The following CACNA1E variants were observed in gnomAD, a reference collection of about 807,000 sequenced individuals.
The protein encoded by CACNA1E is voltage-dependent R-type calcium channel subunit alpha-1E.
CACNA1E carries 40 observed loss-of-function variants against 259.2 expected under a neutral mutation model. The ratio of observed to expected loss-of-function variants is 0.15; its 90% CI spans 0.12 to 0.20. The LOEUF is 0.20. Among genes scored for constraint, CACNA1E ranks in the 10% least tolerant of loss-of-function variants. CACNA1E has a pLI of 1.00. For missense variants in CACNA1E, 1,874 were observed against 3,040.1 expected, an observed-to-expected ratio of 0.62 and a Z score of 9.02; for synonymous variants, 1,104 against 1,138.5, an observed-to-expected ratio of 0.97 and a Z score of 0.61.
chr1:181,322,450 A>G lies in CACNA1E; in HGVS notation c.-15+4327A>G, dbSNP rs200035375. Among the ~76,000 whole-genome samples the G allele has an allele frequency of 4.6e-5, 7 of 152,346 alleles. No individual in the cohort carries two copies. The East Asian group carries it at 5.8e-4, about 13-fold the overall frequency. ...CATTCAGAACCAAAAAGCCCCTTGC[A>G]AAACCATTTTTACAAACAGTTGTAA... On this transcript the variant is annotated intron_variant, in intron 1 of 11. Transcript: ENST00000524607.
At chr1:181,392,571 C>T (rs1017667257) in intron 1 of CACNA1E, among the ~76,000 whole-genome samples, 9 of 152,296 alleles carry the variant, frequency 5.9e-5, no homozygotes, top group Admixed American at 3.9e-4. Flanking sequence ...AGGAACACAG[C>T]GGATGCCTGA....
chr1:181,378,891 C>G, intron 1 of CACNA1E, among the ~76,000 whole-genome samples: 1 of 152,242 alleles, frequency 6.6e-6, no homozygotes, highest in East Asian at 1.9e-4. Flanking sequence ...GATCTCAGAA[C>G]AAGGCTCACA....
At chr1:181,619,705 T>C (rs1280169436) in intron 6 of CACNA1E, among the ~76,000 whole-genome samples, 1 of 152,086 alleles carries the variant, frequency 6.6e-6, no homozygotes, top group Non-Finnish European at 1.5e-5. Flanking sequence ...GGAGTGAAAT[T>C]CTGGATAGGT....
At chr1:181,479,205 T>C (rs1017569771), upstream of CACNA1E, among the ~76,000 whole-genome samples, 4 of 152,146 alleles carry the variant, frequency 2.6e-5, no homozygotes, top group Admixed American at 2.0e-4. Flanking sequence ...TGGTGAAATT[T>C]AGTACCTCAA....
intron 2 of CACNA1E, among the ~76,000 whole-genome samples, chr1:181,445,008 C>T (rs1274293087): frequency 6.6e-6 from 1 of 152,126 alleles, no homozygotes; most frequent in Non-Finnish European, 1.5e-5. Context: ...TTCATGTTTT[C>T]CAGTACTAGT....
Position 181,757,976 on chromosome 1 carries a change from C to T in CACNA1E, c.4359C>T (p.Ala1453=). 3 of 1,614,000 alleles carry T rather than the reference C, an allele frequency of 1.9e-6. No homozygotes were observed. The highest frequency in any genetic ancestry group is 2.5e-6 in the Non-Finnish European group (3 of 1,179,886). ...ERACIDFAIS[A]KPLTRYMPQN... ...CGTGCATCGACTTCGCCATCAGCGC[C>T]AAACCTCTCACCCGCTACATGCCGC... Residue 1453 remains alanine, a synonymous_variant, in exon 31 of 48, where the codon GCC becomes GCT. Transcript: ENST00000367573.
intron 1 of CACNA1E, among the ~76,000 whole-genome samples, chr1:181,319,020 A>C (rs1383741923): frequency 6.6e-6 from 1 of 152,140 alleles, no homozygotes; most frequent in African/African-American, 2.4e-5. Context: ...TAACCCACCG[A>C]CGTCTCCCTT....
At position 181,686,507 on chromosome 1, in the gene CACNA1E, G is replaced by C. The variant is rs1468270920; in HGVS notation, c.1056-24447G>C. ...CTCCATGTTTGGTCAGGCTGGTCTC[G>C]AACTCCTGACCTCAGGTGATCTGCC... On this transcript the variant is annotated intron_variant, in intron 7 of 47. Coordinates refer to ENST00000367573, the MANE Select transcript of CACNA1E (RefSeq NM_001205293.3). 2.0e-5 allele frequency among the ~76,000 whole-genome samples: 3 copies of C among 151,856 alleles called. 1 individual carries two copies. The East Asian group carries it at 5.8e-4, about 29-fold the overall frequency.
chr1:181,391,945 C>CTGTGTG (rs201388697), intron 1 of CACNA1E, among the ~76,000 whole-genome samples: 17 of 118,194 alleles, frequency 1.4e-4, no homozygotes, highest in South Asian at 5.1e-4. Context: ...CTCTCTCTCT[C>CTGTGTG]TGTGTGTGTG....
In CACNA1E at chr1:181,400,712, A is replaced by C. The variant is rs570514608; in HGVS notation, c.-14-12421A>C. Among the ~76,000 whole-genome samples the C allele has an allele frequency of 1.2e-4, 18 of 152,236 alleles. No homozygotes were observed. The South Asian group carries it at 3.5e-3, about 30-fold the overall frequency. The stretch of plus-strand genomic sequence containing the variant: ...AGACACAGGAGCTTTAGGGATAGGG[A>C]GTGGCCATCACGGGCTCTCTCTCTC... On this transcript the variant is annotated intron_variant, in intron 1 of 11. Transcript: ENST00000524607.
chr1:181,568,884 G>A (rs57453779), intron 3 of CACNA1E, among the ~76,000 whole-genome samples: 1,594 of 152,286 alleles, frequency 0.01, 39 homozygotes, highest in African/African-American at 0.037. Flanking sequence ...GGGATTACAG[G>A]CGTGAGCCAC....
intron 7 of CACNA1E, among the ~76,000 whole-genome samples, chr1:181,707,655 A>G (rs1652924013): frequency 6.6e-6 from 1 of 152,166 alleles, no homozygotes; most frequent in Non-Finnish European, 1.5e-5. Flanking sequence ...AACTGGTGGC[A>G]GTGTGCAGGA....
At chr1:181,350,807 G>A (rs902443087) in intron 1 of CACNA1E, among the ~76,000 whole-genome samples, 1 of 152,086 alleles carries the variant, frequency 6.6e-6, no homozygotes, top group Non-Finnish European at 1.5e-5. Context: ...TATAGTTAAG[G>A]GATTAATTAG....
chr1:181,466,679 G>A (rs1211845043), intron 2 of CACNA1E, among the ~76,000 whole-genome samples: 1 of 152,130 alleles, frequency 6.6e-6, no homozygotes, highest in Admixed American at 6.6e-5. Context: ...CAATTCACAC[G>A]CTTCCTCCTT....
chr1:181,500,394 T>C (rs1461871811), intron 1 of CACNA1E, among the ~76,000 whole-genome samples: 2 of 152,210 alleles, frequency 1.3e-5, no homozygotes, highest in African/African-American at 4.8e-5. Flanking sequence ...TTCAGTGATA[T>C]CAAGATGGTA....
chr1:181,556,092 C>G (rs1016710082), intron 3 of CACNA1E, among the ~76,000 whole-genome samples: 4 of 152,192 alleles, frequency 2.6e-5, no homozygotes, highest in African/African-American at 9.7e-5. Flanking sequence ...ACCATGTGTC[C>G]TCCTTCACTG....
intron 2 of CACNA1E, among the ~76,000 whole-genome samples, chr1:181,473,543 G>A (rs143031229): frequency 1.3e-5 from 2 of 151,236 alleles, no homozygotes; most frequent in African/African-American, 2.4e-5. Context: ...AGCCCCATGC[G>A]ATTCAGAGGG....
At chr1:181,545,620 A>G (rs1352865145) in intron 3 of CACNA1E, among the ~76,000 whole-genome samples, 1 of 152,166 alleles carries the variant, frequency 6.6e-6, no homozygotes, top group Non-Finnish European at 1.5e-5. Flanking sequence ...AAGCTGGAGG[A>G]TAGAATTTCT....
chr1:181,366,629 C>T (rs1467895463), intron 1 of CACNA1E, among the ~76,000 whole-genome samples: 1 of 152,122 alleles, frequency 6.6e-6, no homozygotes, highest in African/African-American at 2.4e-5. Flanking sequence ...CTTTAGTGGG[C>T]TACGTGGCCG....
Sources: gnomAD v4.1 joint callset for allele counts (sites outside exome capture counted in the v4.1 genomes callset) on GRCh38, gnomAD v4.1.1 for gene constraint, MANE v1.5 for transcripts, NCBI Gene and HGNC (gene_info 2026-07-23, HGNC 2026-07-21) for gene names.